Variants in PACRG observed in about 807,000 individuals in gnomAD.
PACRG encodes the protein parkin coregulated gene protein.
In PACRG, 29 loss-of-function variants were observed where a neutral mutation model predicts 29.7. The observed-to-expected ratio is 0.98, with a 90% CI of 0.73 to 1.33. The LOEUF (loss-of-function observed/expected upper bound fraction) is 1.33, where lower values mean the gene tolerates loss of function less well. Among genes scored for constraint, PACRG ranks in the 40% most tolerant of loss-of-function variants. The pLI is 0.00. For missense variants in PACRG, 279 were observed against 316.2 expected (o/e 0.88, Z 0.89); for synonymous variants, 116 against 118.7 (o/e 0.98, Z 0.15).
intron 2 of PACRG, among the ~76,000 whole-genome samples, chr6:162,998,392 C>T (rs1298294609): frequency 6.6e-6 from 1 of 152,204 alleles, no homozygotes; most frequent in Non-Finnish European, 1.5e-5. Context: ...CATGACTTTC[C>T]TGCTTCCTCT....
chr6:163,094,116 C>T (rs79237526), intron 4 of PACRG, among the ~76,000 whole-genome samples: 9 of 152,144 alleles, frequency 5.9e-5, no homozygotes, highest in Non-Finnish European at 1.2e-4. Flanking sequence ...TCTTTTCAAA[C>T]GTTGATGAAC....
chr6:163,000,214 A>C (rs571564124), intron 2 of PACRG, among the ~76,000 whole-genome samples: 1 of 152,318 alleles, frequency 6.6e-6, no homozygotes, highest in East Asian at 1.9e-4. Context: ...CTCTAAATGC[A>C]ATCAGGCTTC....
At chr6:162,804,016 A>G (rs1482393551) in intron 1 of PACRG, among the ~76,000 whole-genome samples, 2 of 152,194 alleles carry the variant, frequency 1.3e-5, no homozygotes, top group Non-Finnish European at 2.9e-5. Flanking sequence ...GCTATTAAAT[A>G]CAAAATTTTG....
chr6:162,763,331 G>A (rs1251345894), intron 1 of PACRG, among the ~76,000 whole-genome samples: 6 of 152,142 alleles, frequency 3.9e-5, no homozygotes, highest in Non-Finnish European at 8.8e-5. Context: ...GGGATGTGGA[G>A]GCAAGACCGC....
intron 1 of PACRG, among the ~76,000 whole-genome samples, chr6:162,747,390 G>GTA (rs59979611): frequency 1.6e-4 from 7 of 44,270 alleles, no homozygotes; most frequent in South Asian, 8.4e-4. Context: ...GTATATATAT[G>GTA]TATATATATA....
chr6:162,963,860 T>C (rs759811011), intron 2 of PACRG, among the ~76,000 whole-genome samples: 44 of 152,252 alleles, frequency 2.9e-4, no homozygotes, highest in Non-Finnish European at 3.7e-4. Context: ...AATTGCAATA[T>C]ATCAGTTAGA....
chr6:163,035,506 G>T (rs1808085813), intron 2 of PACRG, among the ~76,000 whole-genome samples: 1 of 152,106 alleles, frequency 6.6e-6, no homozygotes, highest in Non-Finnish European at 1.5e-5. Context: ...AATTAGCCAG[G>T]TACGGTGGCA....
At chr6:162,961,367 C>T (rs929888311) in intron 2 of PACRG, among the ~76,000 whole-genome samples, 1 of 152,246 alleles carries the variant, frequency 6.6e-6, no homozygotes, top group Admixed American at 6.5e-5. Context: ...GGTGTCACAG[C>T]ATGACAGCAG....
At chr6:162,795,050 G>A (rs1170002476) in intron 1 of PACRG, among the ~76,000 whole-genome samples, 2 of 151,890 alleles carry the variant, frequency 1.3e-5, no homozygotes, top group African/African-American at 4.8e-5. Context: ...ATTAAGAAAG[G>A]GAGACCGAGA....
chr6:163,046,818 T>C (rs1189867253), intron 2 of PACRG: 4 of 152,242 alleles, frequency 2.6e-5, no homozygotes, highest in South Asian at 2.1e-4. Context: ...TCAGTATATA[T>C]ATTTTTTGCT....
intron 4 of PACRG, among the ~76,000 whole-genome samples, chr6:163,127,466 C>T (rs1816563804): frequency 1.3e-5 from 2 of 152,172 alleles, no homozygotes; most frequent in Non-Finnish European, 2.9e-5. Flanking sequence ...GAAGGACAGA[C>T]TTGTCTGTTT....
intron 1 of PACRG, among the ~76,000 whole-genome samples, chr6:162,738,882 C>T (rs1562546899): frequency 6.6e-6 from 1 of 152,096 alleles, no homozygotes; most frequent in Non-Finnish European, 1.5e-5. Context: ...ATTTGTTTAC[C>T]TGCTATGTCA....
intron 3 of PACRG, among the ~76,000 whole-genome samples, chr6:163,069,958 C>A: frequency 6.6e-6 from 1 of 152,122 alleles, no homozygotes; most frequent in East Asian, 1.9e-4. Context: ...CCTAATACAT[C>A]TGGCAGTAGA....
rs889043454 is a variant in PACRG at position 162,866,780 on chromosome 6, A to C, written c.291+52499A>C. Among the ~76,000 whole-genome samples the C allele has an allele frequency of 3.9e-5, 6 of 152,234 alleles. 1 individual carries two copies. The highest frequency in any genetic ancestry group is 1.4e-4 in the African/African-American group (6 of 41,454). On this transcript the variant is annotated intron_variant, in intron 2 of 4. Coordinates refer to ENST00000366888, the MANE Select transcript of PACRG (RefSeq NM_001080379.2). ...GGATGGAGAAAGAGAATTCTATCAG[A>C]GTAATCATGCTAAGAAAAGCAAAGT...
At chr6:162,845,775 C>T (rs1380785344) in intron 2 of PACRG, among the ~76,000 whole-genome samples, 4 of 152,116 alleles carry the variant, frequency 2.6e-5, no homozygotes, top group Non-Finnish European at 5.9e-5. Flanking sequence ...TTTAATTTAC[C>T]TCCAGCTGTT....
rs138757609 is a variant in PACRG, at chr6:163,259,724, G to C, written c.614-55103G>C. On this transcript the variant is annotated intron_variant, in intron 4 of 4. Transcript: ENST00000366888. ...CTTAGCCTTCATCTCTCTACAGTAC[G>C]CCTTCCCAGCTGTTCCCTCACCCAG... Among the ~76,000 whole-genome samples, 284 of 152,192 alleles carry C rather than the reference G, an allele frequency of 1.9e-3. 1 individual carries two copies. Among genetic ancestry groups the C allele is most frequent in the African/African-American group, 6.6e-3 (275 of 41,518 alleles).
At chr6:163,299,173 A>G (rs1300839389) in intron 4 of PACRG, among the ~76,000 whole-genome samples, 1 of 152,212 alleles carries the variant, frequency 6.6e-6, no homozygotes, top group African/African-American at 2.4e-5. Flanking sequence ...AATTTGGATG[A>G]TGACATCTGA....
intron 4 of PACRG, among the ~76,000 whole-genome samples, chr6:163,258,768 A>G (rs1381177245): frequency 9.9e-5 from 15 of 151,854 alleles, no homozygotes; most frequent in Admixed American, 9.8e-4. Context: ...AAAAAAAAAA[A>G]AATCAATAGT....
chr6:162,958,159 G>A (rs1002461504), intron 2 of PACRG, among the ~76,000 whole-genome samples: 5 of 152,110 alleles, frequency 3.3e-5, no homozygotes, highest in African/African-American at 1.2e-4. Flanking sequence ...AGACCAGTGT[G>A]GCTTATGAAA....
Sources: allele counts gnomAD v4.1 joint callset (sites outside exome capture counted in the v4.1 genomes callset), GRCh38; gene constraint gnomAD v4.1.1; transcripts MANE v1.5; gene names NCBI Gene and HGNC (gene_info 2026-07-23, HGNC 2026-07-21).